The following BMP5 variants were observed in gnomAD, a reference collection of about 807,000 sequenced individuals.
BMP5 encodes the protein bone morphogenetic protein 5.
Under a neutral mutation model 46.6 loss-of-function variants are expected in BMP5, and 23 were observed. That is an observed-to-expected ratio of 0.49 (90% CI 0.35 to 0.70). BMP5 has a LOEUF of 0.70. Ranked by LOEUF, BMP5 falls within the 30% of genes least tolerant of loss-of-function variation. The pLI is 0.00. For synonymous variants in BMP5, 204 were observed against 191.9 expected, an observed-to-expected ratio of 1.06 and a Z score of -0.52; for missense variants, 545 against 565.6, an observed-to-expected ratio of 0.96 and a Z score of 0.37.
rs754365141 is a variant in BMP5, at chr6:55,759,144, CAAAAAAAAAAAAAAAAA to C, written c.1105-46_1105-30del. 6.5e-4 allele frequency: 55 copies of C among 85,086 alleles called. 1 individual carries two copies. The highest frequency in any genetic ancestry group is 6.4e-3 in the African/African-American group (24 of 3,768). The allele number at this position is 85,086 out of a possible 1,614,324, so 5.3% of individuals were successfully genotyped here. A position where few individuals can be genotyped will look rare whatever the true frequency, so the allele number is the denominator to read the frequency against. ...ACACATACACACACACACACACACA[CAAAAAAAAAAAAAAAAA>C]AAAAAAAAAAAAAAAAAAAAAACAA... On this transcript the variant is annotated intron_variant, in intron 5 of 6. Transcript: ENST00000370830.
At chr6:55,842,080 G>A (rs746632947) in intron 1 of BMP5, among the ~76,000 whole-genome samples, 64 of 152,122 alleles carry the variant, frequency 4.2e-4, no homozygotes, top group Non-Finnish European at 6.9e-4. Flanking sequence ...AATTTAGTTG[G>A]ACATTATGAA....
chr6:55,853,189 AAAT>A (rs1777294572), intron 1 of BMP5, among the ~76,000 whole-genome samples: 1 of 142,804 alleles, frequency 7.0e-6, no homozygotes, highest in Non-Finnish European at 1.5e-5. Flanking sequence ...AAATAAAATA[AAAT>A]AAAATAAAAT....
intron 1 of BMP5, among the ~76,000 whole-genome samples, chr6:55,861,214 G>T (rs1436804197): frequency 6.6e-6 from 1 of 152,176 alleles, no homozygotes; most frequent in African/African-American, 2.4e-5. Context: ...TTCCACTTTA[G>T]TAGGTTTCTA....
intron 1 of BMP5, among the ~76,000 whole-genome samples, chr6:55,859,059 A>G (rs566538902): frequency 3.3e-5 from 5 of 152,340 alleles, no homozygotes; most frequent in African/African-American, 9.6e-5. Flanking sequence ...GCAAACCACC[A>G]TGGCACATGT....
intron 1 of BMP5, among the ~76,000 whole-genome samples, chr6:55,867,362 A>C (rs1777671178): frequency 6.6e-6 from 1 of 152,146 alleles, no homozygotes; most frequent in African/African-American, 2.4e-5. Context: ...CTGCCATCCC[A>C]AGATACTATA....
intron 3 of BMP5, among the ~76,000 whole-genome samples, chr6:55,776,507 G>A (rs939034823): frequency 6.6e-6 from 1 of 150,570 alleles, no homozygotes; most frequent in Non-Finnish European, 1.5e-5. Flanking sequence ...CTAGCAATCT[G>A]TTCTTTAAAT....
intron 3 of BMP5, among the ~76,000 whole-genome samples, chr6:55,793,438 C>A (rs1475101691): frequency 6.6e-6 from 1 of 152,220 alleles, no homozygotes; most frequent in African/African-American, 2.4e-5. Flanking sequence ...AAATGCAAGT[C>A]TCATAAAGCC....
At chr6:55,807,494 T>A (rs1363761746) in intron 2 of BMP5, among the ~76,000 whole-genome samples, 1 of 152,214 alleles carries the variant, frequency 6.6e-6, no homozygotes, top group Non-Finnish European at 1.5e-5. Flanking sequence ...TTCACATCGA[T>A]GTTCATTAGG....
intron 1 of BMP5, among the ~76,000 whole-genome samples, chr6:55,830,026 T>C (rs909484136): frequency 1.3e-5 from 2 of 152,024 alleles, no homozygotes; most frequent in Admixed American, 6.6e-5. Flanking sequence ...TGCTATTATA[T>C]GTCATAAGTT....
intron 4 of BMP5, among the ~76,000 whole-genome samples, chr6:55,763,373 G>T (rs1174537994): frequency 2.6e-5 from 4 of 152,074 alleles, no homozygotes; most frequent in Non-Finnish European, 4.4e-5. Flanking sequence ...AATGTAACAA[G>T]CAATGAAATG....
At chr6:55,825,912 T>A (rs951335837) in intron 1 of BMP5, among the ~76,000 whole-genome samples, 1 of 151,832 alleles carries the variant, frequency 6.6e-6, no homozygotes, top group Non-Finnish European at 1.5e-5. Flanking sequence ...AGAATACAGA[T>A]CATTGTTTGC....
At chr6:55,843,330 G>C (rs984418727) in intron 1 of BMP5, among the ~76,000 whole-genome samples, 2 of 151,942 alleles carry the variant, frequency 1.3e-5, no homozygotes, top group Non-Finnish European at 2.9e-5. Context: ...TTATAAACTA[G>C]ATAATTAAGA....
chr6:55,870,102 G>A (rs961390878), intron 1 of BMP5, among the ~76,000 whole-genome samples: 1 of 151,456 alleles, frequency 6.6e-6, no homozygotes, highest in Admixed American at 6.6e-5. Flanking sequence ...AAGGGAAGGA[G>A]AGGTGGCAGC....
intron 1 of BMP5, among the ~76,000 whole-genome samples, chr6:55,836,467 C>T (rs944578923): frequency 2.6e-5 from 4 of 152,056 alleles, no homozygotes; most frequent in Non-Finnish European, 4.4e-5. Context: ...CATGAGAAAT[C>T]TAAATTGACA....
At chr6:55,856,621 T>G (rs1235782076) in intron 1 of BMP5, among the ~76,000 whole-genome samples, 2 of 152,132 alleles carry the variant, frequency 1.3e-5, no homozygotes, top group Non-Finnish European at 2.9e-5. Flanking sequence ...TAGTTTTAAT[T>G]AGCAATTCTC....
chr6:55,812,710 A>G (rs568426758), intron 2 of BMP5, among the ~76,000 whole-genome samples: 1 of 152,232 alleles, frequency 6.6e-6, no homozygotes, highest in Non-Finnish European at 1.5e-5. Context: ...AAGTTTTGAG[A>G]GGTGACTCTG....
intron 2 of BMP5, among the ~76,000 whole-genome samples, chr6:55,805,051 A>G (rs777109301): frequency 5.9e-5 from 9 of 152,156 alleles, no homozygotes; most frequent in Non-Finnish European, 1.2e-4. Flanking sequence ...TTAGCAAGAG[A>G]CATTGGGTAA....
chr6:55,783,498 C>A (rs966588735), intron 3 of BMP5, among the ~76,000 whole-genome samples: 5 of 151,968 alleles, frequency 3.3e-5, no homozygotes, highest in Admixed American at 6.6e-5. Context: ...ATTAAAGGTT[C>A]TCTTTTCTTC....
chr6:55,852,823 A>C (rs1481806115), intron 1 of BMP5, among the ~76,000 whole-genome samples: 1 of 152,126 alleles, frequency 6.6e-6, no homozygotes, highest in Non-Finnish European at 1.5e-5. Context: ...CATTAGACAT[A>C]ATTTTATTAT....
Sources: allele counts gnomAD v4.1 joint callset (sites outside exome capture counted in the v4.1 genomes callset), GRCh38; gene constraint gnomAD v4.1.1; transcripts MANE v1.5; gene names NCBI Gene and HGNC (gene_info 2026-07-23, HGNC 2026-07-21).